Variants in FTO observed in about 807,000 individuals in gnomAD.
FTO encodes alpha-ketoglutarate-dependent dioxygenase FTO.
Under a neutral mutation model 63.9 loss-of-function variants are expected in FTO, and 47 were observed. That is an observed-to-expected ratio of 0.74 (90% confidence interval 0.58 to 0.94). The LOEUF (loss-of-function observed/expected upper bound fraction) is 0.94, where lower values mean the gene tolerates loss of function less well. Among genes scored for constraint, FTO ranks in the 40% least tolerant of loss-of-function variants. The pLI, the probability that FTO is intolerant of heterozygous loss-of-function variation, is 0.00. For missense variants in FTO, 562 were observed against 618.1 expected (o/e 0.91, Z 0.96); for synonymous variants, 207 against 224.4 (o/e 0.92, Z 0.69).
chr16:54,104,609 C>G (rs1372148234), intron 8 of FTO, among the ~76,000 whole-genome samples: 1 of 152,044 alleles, frequency 6.6e-6, no homozygotes, highest in Non-Finnish European at 1.5e-5. Flanking sequence ...CCTTGCCTGG[C>G]TCCTGAGGCC....
chr16:53,757,089 TA>T (rs5816906), intron 1 of FTO, among the ~76,000 whole-genome samples: 46,831 of 151,972 alleles, frequency 0.31, 9,807 homozygotes, highest in African/African-American at 0.59. Flanking sequence ...TGGACCTTTT[TA>T]AAAAAATATT....
chr16:53,751,381 C>A (rs2076788891), intron 1 of FTO, among the ~76,000 whole-genome samples: 1 of 152,026 alleles, frequency 6.6e-6, no homozygotes, highest in Admixed American at 6.6e-5. Flanking sequence ...TGGCATGAAC[C>A]CGGGAGGCGA....
chr16:53,789,553 T>G (rs1286171619), intron 1 of FTO, among the ~76,000 whole-genome samples: 1 of 152,180 alleles, frequency 6.6e-6, no homozygotes, highest in Non-Finnish European at 1.5e-5. Flanking sequence ...GGTTGATCTA[T>G]TTGGAGAACA....
At chr16:53,769,647 G>T (rs560412514) in intron 1 of FTO, among the ~76,000 whole-genome samples, 3 of 152,220 alleles carry the variant, frequency 2.0e-5, no homozygotes, top group African/African-American at 7.2e-5. Flanking sequence ...GTCTAGCCCT[G>T]TGGGTTTACA....
intron 8 of FTO, among the ~76,000 whole-genome samples, chr16:54,106,860 TATATAATA>T (rs1473322379): frequency 5.8e-5 from 8 of 137,894 alleles, no homozygotes; most frequent in Non-Finnish European, 1.1e-4. Context: ...ATAATAATTA[TATATAATA>T]ATATAATAAA....
chr16:53,718,235 T>C (rs1273226006), intron 1 of FTO, among the ~76,000 whole-genome samples: 1 of 152,122 alleles, frequency 6.6e-6, no homozygotes, highest in African/African-American at 2.4e-5. Context: ...TTTATTACTT[T>C]ATGTAAAATA....
chr16:53,839,769 CTTT>C (rs146746378), intron 3 of FTO, among the ~76,000 whole-genome samples: 1 of 144,150 alleles, frequency 6.9e-6, no homozygotes, highest in Non-Finnish European at 1.5e-5. Flanking sequence ...AATTGGTTTT[CTTT>C]TTTTTTATTT....
chr16:53,802,582 G>C (rs1462571647), intron 1 of FTO, among the ~76,000 whole-genome samples: 1 of 152,114 alleles, frequency 6.6e-6, no homozygotes, highest in Non-Finnish European at 1.5e-5. Context: ...TCTTAAATCT[G>C]TGGATTGATG....
rs139264221 is a variant in FTO at position 53,956,321 on chromosome 16, T to C, written c.1364+22212T>C. On this transcript the variant is annotated intron_variant, in intron 8 of 8. Transcript: ENST00000471389. ...GTCAGAACCAAGAGGATCTGTGTGCTTGTTTTTAGGGCTGTGGGGAGGAAA... is the reference window on the plus strand; with the variant it reads ...GTCAGAACCAAGAGGATCTGTGTGCCTGTTTTTAGGGCTGTGGGGAGGAAA... 7.6e-4 allele frequency among the ~76,000 whole-genome samples: 116 copies of C among 152,280 alleles called. 1 individual carries two copies. In the East Asian group the frequency reaches 0.02, roughly 26 times the overall value.
intron 7 of FTO, among the ~76,000 whole-genome samples, chr16:53,933,165 C>T (rs2082319569): frequency 6.6e-6 from 1 of 152,134 alleles, no homozygotes; most frequent in Non-Finnish European, 1.5e-5. Flanking sequence ...TTTCAAGTTA[C>T]AGGAGAACCA....
At chr16:53,951,124 G>T (rs184296619) in intron 8 of FTO, among the ~76,000 whole-genome samples, 1 of 152,272 alleles carries the variant, frequency 6.6e-6, no homozygotes, top group East Asian at 1.9e-4. Context: ...ACATGAAAAT[G>T]GGTTAGCACA....
At chr16:53,925,501 C>T (rs968685914) in intron 7 of FTO, among the ~76,000 whole-genome samples, 12 of 151,916 alleles carry the variant, frequency 7.9e-5, no homozygotes, top group Admixed American at 1.3e-4. Flanking sequence ...GAGGGATTAC[C>T]AGCCATATTT....
At chr16:53,807,256 T>TA (rs1254944344) in intron 1 of FTO, among the ~76,000 whole-genome samples, 3 of 152,214 alleles carry the variant, frequency 2.0e-5, no homozygotes, top group African/African-American at 7.2e-5. Flanking sequence ...GTCATGTAGA[T>TA]ACAACAGTAC....
intron 8 of FTO, among the ~76,000 whole-genome samples, chr16:54,008,828 A>G (rs2084270917): frequency 1.1e-5 from 1 of 89,366 alleles, no homozygotes. Flanking sequence ...AATAATAATA[A>G]TAATAATAAT....
chr16:53,888,624 C>T (rs950732275), intron 6 of FTO, among the ~76,000 whole-genome samples: 1 of 152,072 alleles, frequency 6.6e-6, no homozygotes, highest in African/African-American at 2.4e-5. Context: ...CTGGCCAGAC[C>T]TCAGTTTTAA....
rs532611083 is a variant in FTO at position 53,833,276 on chromosome 16, C to T, written c.751+6785C>T. Among the ~76,000 whole-genome samples the T allele has an allele frequency of 7.2e-5, 11 of 152,306 alleles. No individual in the cohort carries two copies. In the South Asian group the frequency reaches 2.3e-3, roughly 32 times the overall value. ...TTAATCCTCTTTTTGTTTCCGGTTT[C>T]GGATATGTCTTTATGAGCAGCATGA... On this transcript the variant is annotated intron_variant, in intron 3 of 8. Transcript: ENST00000471389.
At chr16:53,841,712 C>G (rs1402785279) in intron 3 of FTO, among the ~76,000 whole-genome samples, 2 of 152,130 alleles carry the variant, frequency 1.3e-5, no homozygotes, top group African/African-American at 4.8e-5. Flanking sequence ...TTTAGGGATT[C>G]TGTGTGTGCC....
At chr16:53,781,449 A>G (rs974360760) in intron 1 of FTO, among the ~76,000 whole-genome samples, 2 of 152,248 alleles carry the variant, frequency 1.3e-5, no homozygotes, top group Non-Finnish European at 2.9e-5. Context: ...CAGGCAAGTT[A>G]GGAAAGTGAG....
At chr16:53,896,773 A>T (rs2151918552) in intron 7 of FTO, among the ~76,000 whole-genome samples, 1 of 152,174 alleles carries the variant, frequency 6.6e-6, no homozygotes, top group East Asian at 1.9e-4. Context: ...TTCCTTTCCT[A>T]ATTTTCCTTC....
Sources: allele counts gnomAD v4.1 joint callset (sites outside exome capture counted in the v4.1 genomes callset), GRCh38; gene constraint gnomAD v4.1.1; transcripts MANE v1.5; gene names NCBI Gene and HGNC (gene_info 2026-07-23, HGNC 2026-07-21).